SMARCA5: variants seen among roughly 807,000 people sequenced by gnomAD.
The protein encoded by SMARCA5 is SNF2 related chromatin remodeling ATPase 5, also known as SWI/SNF-related matrix-associated actin-dependent regulator of chromatin subfamily A member 5.
SMARCA5 carries 18 observed loss-of-function variants against 140.4 expected under a neutral mutation model. That is an observed-to-expected ratio of 0.13 (90% CI 0.09 to 0.19). The LOEUF is 0.19. SMARCA5 is among the 10% of genes least tolerant of loss of function. The pLI is 1.00. For missense variants in SMARCA5, 606 were observed against 1,276.8 expected, an observed-to-expected ratio of 0.47 and a Z score of 8.01; for synonymous variants, 449 against 419.6, an observed-to-expected ratio of 1.07 and a Z score of -0.86.
At chr4:143,551,070 T>G (rs1013969578) in intron 23 of SMARCA5, among the ~76,000 whole-genome samples, 3 of 152,098 alleles carry the variant, frequency 2.0e-5, no homozygotes, top group Admixed American at 6.6e-5. Flanking sequence ...TGTCAGGATT[T>G]GTTATTGCCT....
At position 143,543,992 on chromosome 4, in the gene SMARCA5, G is replaced by T; in HGVS notation, c.2172+20G>T. 6.6e-7 allele frequency: 1 copy of T among 1,505,108 alleles called. No homozygotes were observed. The highest frequency in any genetic ancestry group is 1.4e-5 in the South Asian group (1 of 73,350). 93.2% of individuals were successfully genotyped at this position (1,505,108 alleles called of 1,614,324 possible). ...CAAAAGGTAATTTAGAAATAGGTTT[G>T]GGTTACATGAAAGCTTTATTTTACT... On this transcript the variant is annotated intron_variant, in intron 16 of 23. Transcript: ENST00000283131.
chr4:143,531,469 T>G (rs1199556182), intron 9 of SMARCA5, among the ~76,000 whole-genome samples: 9 of 152,216 alleles, frequency 5.9e-5, no homozygotes, highest in Admixed American at 2.0e-4. Context: ...TCTCAGCCTC[T>G]TTTGACATTT....
At chr4:143,526,235 A>G in intron 5 of SMARCA5, 46 bp from the exon 6 acceptor site, 1 of 1,465,090 alleles carries the variant, frequency 6.8e-7, no homozygotes, top group Non-Finnish European at 9.5e-7. Context: ...TTGTGAAATA[A>G]TATTTTCATT....
chr4:143,526,530 A>AG (rs1737074292), intron 6 of SMARCA5, 70 bp downstream of exon 6: 2 of 938,644 alleles, frequency 2.1e-6, no homozygotes, highest in Non-Finnish European at 3.4e-6. Flanking sequence ...GTATGGGTAT[A>AG]GCTGGAAGAA....
At chr4:143,519,650 C>T (rs72938219) in intron 2 of SMARCA5, among the ~76,000 whole-genome samples, 1 of 152,110 alleles carries the variant, frequency 6.6e-6, no homozygotes, top group Non-Finnish European at 1.5e-5. Flanking sequence ...AAGAAGCTCC[C>T]TTGTCATCTG....
At chr4:143,517,883 C>T (rs751541118) in intron 2 of SMARCA5, among the ~76,000 whole-genome samples, 6 of 152,114 alleles carry the variant, frequency 3.9e-5, no homozygotes, top group Non-Finnish European at 8.8e-5. Context: ...CACAGATATC[C>T]ATTTGAAATA....
chr4:143,557,380 G>A lies in SMARCA5; in HGVS notation c.*4196G>A, dbSNP rs888759190. The stretch of plus-strand genomic sequence containing the variant: ...TACTACAGAAATTCTTGTTTTTGAT[G>A]TAGACAACCCAAAGGAGTTTTTATG... On this transcript the variant is annotated 3_prime_UTR_variant, in exon 24 of 24. Transcript: ENST00000283131. The A allele has an allele frequency of 2.0e-5, 3 of 152,190 alleles. No individual in the cohort carries two copies. Among genetic ancestry groups the A allele is most frequent in the South Asian group, 2.1e-4 (1 of 4,832 alleles). The allele number at this position is 152,190 out of a possible 1,614,324, so 9.4% of individuals were successfully genotyped here. A position where few individuals can be genotyped will look rare whatever the true frequency, so the allele number is the denominator to read the frequency against.
At chr4:143,515,735 A>G (rs1736814829) in intron 1 of SMARCA5, among the ~76,000 whole-genome samples, 1 of 152,162 alleles carries the variant, frequency 6.6e-6, no homozygotes, top group East Asian at 1.9e-4. Context: ...TGATATTTTC[A>G]TTTGCCAGAT....
intron 23 of SMARCA5, among the ~76,000 whole-genome samples, chr4:143,550,451 A>G (rs1364865365): frequency 2.0e-5 from 3 of 151,958 alleles, no homozygotes; most frequent in Non-Finnish European, 2.9e-5. Context: ...TGTTACAAAC[A>G]GTTTAACTCT....
At chr4:143,519,214 A>G (rs1000015688) in intron 2 of SMARCA5, among the ~76,000 whole-genome samples, 4 of 152,130 alleles carry the variant, frequency 2.6e-5, no homozygotes, top group Non-Finnish European at 4.4e-5. Context: ...AACTGAATTC[A>G]TAATTTTTAC....
chr4:143,550,777 G>C (rs1165739588), intron 23 of SMARCA5, among the ~76,000 whole-genome samples: 1 of 152,048 alleles, frequency 6.6e-6, no homozygotes, highest in Non-Finnish European at 1.5e-5. Context: ...GCTTATGGTT[G>C]AATAGTATTC....
intron 10 of SMARCA5, 57 bp from the exon 11 acceptor site, chr4:143,536,394 TG>T: frequency 8.7e-7 from 1 of 1,143,472 alleles, no homozygotes; most frequent in Non-Finnish European, 1.3e-6. Flanking sequence ...GTATGTAAAG[TG>T]GCAGGGATTG....
chr4:143,518,834 T>C (rs1292447893), intron 2 of SMARCA5, among the ~76,000 whole-genome samples: 1 of 152,120 alleles, frequency 6.6e-6, no homozygotes, highest in Non-Finnish European at 1.5e-5. Flanking sequence ...AGTCTACATA[T>C]TTTAATACTG....
intron 18 of SMARCA5, 25 bp from the exon 19 acceptor site, chr4:143,545,900 G>A (rs767615961): frequency 6.3e-7 from 1 of 1,588,160 alleles, no homozygotes; most frequent in Non-Finnish European, 8.5e-7. Context: ...TTACTGATTT[G>A]ATGGCATAGA....
intron 17 of SMARCA5, 135 bp from the exon 18 acceptor site, chr4:143,545,335 T>A: frequency 1.5e-6 from 1 of 660,610 alleles, no homozygotes; most frequent in Admixed American, 2.9e-5. Flanking sequence ...AATTAAGATA[T>A]AAATTCAGTT....
chr4:143,548,833 TA>T lies in SMARCA5; in HGVS notation c.2985+694del, dbSNP rs138895431. 1.9e-3 allele frequency among the ~76,000 whole-genome samples: 288 copies of T among 152,232 alleles called. 1 individual carries two copies. Among genetic ancestry groups the T allele is most frequent in the African/African-American group, 6.6e-3 (273 of 41,572 alleles). On this transcript the variant is annotated intron_variant, in intron 22 of 23. Coordinates refer to ENST00000283131, the MANE Select transcript of SMARCA5 (RefSeq NM_003601.4). ...GTTTAAACATCTTTGTGTTTGTTTATAGTAAGATTTCTCTGTATATTTAAAG... is the reference window on the plus strand; with the variant it reads ...GTTTAAACATCTTTGTGTTTGTTTATGTAAGATTTCTCTGTATATTTAAAG...
Position 143,513,883 on chromosome 4 carries a change from A to C in SMARCA5, c.-42A>C, listed in dbSNP as rs1231267870. ...AGGCCTCCCCGTCCATCCCCGCCGG[A>C]CTCGGGCCTCTGGCAGCAGCGGGTG... On this transcript the variant is annotated 5_prime_UTR_variant, in exon 1 of 24. Coordinates refer to ENST00000283131, the MANE Select transcript of SMARCA5 (RefSeq NM_003601.4). 1 of 1,530,210 alleles carries C rather than the reference A, an allele frequency of 6.5e-7. No individual in the cohort carries two copies. Among genetic ancestry groups the C allele is most frequent in the Admixed American group, 2.0e-5 (1 of 50,928 alleles). The allele number at this position is 1,530,210 out of a possible 1,614,324, so 94.8% of individuals were successfully genotyped here. A position where few individuals can be genotyped will look rare whatever the true frequency, so the allele number is the denominator to read the frequency against.
chr4:143,537,461 A>G (rs1737334794), intron 11 of SMARCA5, among the ~76,000 whole-genome samples: 1 of 152,226 alleles, frequency 6.6e-6, no homozygotes, highest in African/African-American at 2.4e-5. Flanking sequence ...AAGAGTTGTC[A>G]GTGAATGGGT....
intron 14 of SMARCA5, among the ~76,000 whole-genome samples, chr4:143,542,562 C>A (rs1202028682): frequency 6.6e-6 from 1 of 152,124 alleles, no homozygotes; most frequent in Non-Finnish European, 1.5e-5. Context: ...TTATGGGTCC[C>A]AAACCATGAT....
Sources: gnomAD v4.1 joint callset for allele counts (sites outside exome capture counted in the v4.1 genomes callset) on GRCh38, gnomAD v4.1.1 for gene constraint, MANE v1.5 for transcripts, NCBI Gene and HGNC (gene_info 2026-07-23, HGNC 2026-07-21) for gene names.